Variants in SH3GL3 observed in about 807,000 individuals in gnomAD.
The protein encoded by SH3GL3 is SH3 domain containing GRB2 like 3, endophilin A3.
SH3GL3 carries 33 observed loss-of-function variants against 47.7 expected under a neutral mutation model. The observed-to-expected ratio is 0.69, with a 90% confidence interval of 0.52 to 0.92. The LOEUF (loss-of-function observed/expected upper bound fraction) is 0.92. SH3GL3 is among the 40% of genes least tolerant of loss of function. The pLI is 0.00. For synonymous variants in SH3GL3, 155 were observed against 148.8 expected (o/e 1.04, Z -0.30); for missense variants, 363 against 417.8 (o/e 0.87, Z 1.14).
rs534766181 is a variant in SH3GL3, at chr15:83,483,287, C to T, written c.45+35709C>T. Reference sequence around the variant, plus strand: ...TGGAGGGCCTTGCTCTAGACCAGTGCGGCCCAGTGCAAACTTTCTGTGCTG... The same window carrying T: ...TGGAGGGCCTTGCTCTAGACCAGTGTGGCCCAGTGCAAACTTTCTGTGCTG... On this transcript the variant is annotated intron_variant, in intron 1 of 8. Transcript: ENST00000427482. Among the ~76,000 whole-genome samples, 182 of 152,254 alleles carry T rather than the reference C, an allele frequency of 1.2e-3. No individual in the cohort carries two copies. The Middle Eastern group carries it at 0.017, about 14-fold the overall frequency.
intron 4 of SH3GL3, among the ~76,000 whole-genome samples, chr15:83,570,601 C>T (rs1421832889): frequency 6.6e-6 from 1 of 152,046 alleles, no homozygotes; most frequent in East Asian, 1.9e-4. Context: ...TAAGTATTCC[C>T]AAAGAATTTG....
intron 1 of SH3GL3, among the ~76,000 whole-genome samples, chr15:83,530,893 T>C (rs2043639513): frequency 6.6e-6 from 1 of 152,220 alleles, no homozygotes; most frequent in Non-Finnish European, 1.5e-5. Flanking sequence ...GGAGATCACA[T>C]GGTTAGAGAC....
intron 1 of SH3GL3, among the ~76,000 whole-genome samples, chr15:83,528,370 T>C (rs1476856322): frequency 6.6e-6 from 1 of 152,202 alleles, no homozygotes; most frequent in African/African-American, 2.4e-5. Flanking sequence ...TTTCAGCTGT[T>C]ATTTTGTTGA....
chr15:83,464,341 C>T (rs1232035877), intron 1 of SH3GL3, among the ~76,000 whole-genome samples: 1 of 152,128 alleles, frequency 6.6e-6, no homozygotes, highest in Non-Finnish European at 1.5e-5. Context: ...CTGGAATACC[C>T]CAGGCCCTGG....
At chr15:83,489,527 G>A (rs555933260) in intron 1 of SH3GL3, among the ~76,000 whole-genome samples, 5 of 152,164 alleles carry the variant, frequency 3.3e-5, no homozygotes, top group Non-Finnish European at 7.3e-5. Flanking sequence ...CAGCCCAAGG[G>A]CAGGTTTATG....
chr15:83,463,593 C>T (rs1341980706), intron 1 of SH3GL3, among the ~76,000 whole-genome samples: 1 of 152,008 alleles, frequency 6.6e-6, no homozygotes, highest in African/African-American at 2.4e-5. Context: ...AGATAATTTT[C>T]TCTGATGTCT....
chr15:83,582,279 AC>A (rs1345705170), intron 6 of SH3GL3, among the ~76,000 whole-genome samples: 3 of 152,164 alleles, frequency 2.0e-5, no homozygotes, highest in Non-Finnish European at 2.9e-5. Context: ...GAGTCCAGGC[AC>A]CTGCAGTACT....
Position 83,576,921 on chromosome 15 carries a change from A to ATTTTTGTTTTTTT in SH3GL3, c.624+185_624+186insGTTTTTTTTTTTT, listed in dbSNP as rs2059697892. Among the ~76,000 whole-genome samples the ATTTTTGTTTTTTT allele has an allele frequency of 1.5e-4, 13 of 86,554 alleles. 1 individual carries two copies. The South Asian group carries it at 4.2e-3, about 28-fold the overall frequency. The allele number at this position is 86,554 out of a possible 152,430, so 56.8% of individuals were successfully genotyped here. On this transcript the variant is annotated intron_variant, in intron 6 of 8. Coordinates refer to ENST00000427482, the MANE Select transcript of SH3GL3 (RefSeq NM_003027.5). ...TGATGAGCTTAAAAAAAAAATCATAATTTTTTTTTTTTTTGAGACGCTGTC... is the reference window on the plus strand; with the variant it reads ...TGATGAGCTTAAAAAAAAAATCATAATTTTTGTTTTTTTTTTTTTTTTTTTTTGAGACGCTGTC...
the SH3GL3 span, among the ~76,000 whole-genome samples, chr15:83,625,730 C>T: frequency 3.3e-5 from 5 of 151,946 alleles, no homozygotes; most frequent in African/African-American, 9.7e-5. Context: ...TTTAGGTATA[C>T]GTAATGACTA....
chr15:83,539,759 T>TG (rs895235463), intron 1 of SH3GL3, among the ~76,000 whole-genome samples: 12 of 152,198 alleles, frequency 7.9e-5, no homozygotes, highest in Non-Finnish European at 1.5e-4. Context: ...GTTAGTATTT[T>TG]GGGGTCTGGT....
the SH3GL3 span, among the ~76,000 whole-genome samples, chr15:83,628,362 A>G: frequency 6.6e-6 from 1 of 152,264 alleles, no homozygotes; most frequent in Non-Finnish European, 1.5e-5. Context: ...AAAGGACTAT[A>G]TATAAGACAT....
At chr15:83,572,437 G>T in intron 4 of SH3GL3, 128 bp from the exon 5 acceptor site, 1 of 694,532 alleles carries the variant, frequency 1.4e-6, no homozygotes, top group East Asian at 2.7e-5. Flanking sequence ...CCAGGATTCA[G>T]AGGTCCCGGA....
At chr15:83,577,870 G>A (rs1161172903) in intron 6 of SH3GL3, among the ~76,000 whole-genome samples, 1 of 152,256 alleles carries the variant, frequency 6.6e-6, no homozygotes, top group African/African-American at 2.4e-5. Flanking sequence ...AGACTGAAAA[G>A]TACTTGGCAA....
At chr15:83,536,641 T>A (rs1177196009) in intron 1 of SH3GL3, among the ~76,000 whole-genome samples, 1 of 152,012 alleles carries the variant, frequency 6.6e-6, no homozygotes, top group African/African-American at 2.4e-5. Context: ...GACTTTGTGA[T>A]CCACCCAAAG....
chr15:83,613,990 CTA>C (rs1412757794), intron 8 of SH3GL3, among the ~76,000 whole-genome samples: 4 of 152,162 alleles, frequency 2.6e-5, no homozygotes, highest in Non-Finnish European at 5.9e-5. Context: ...CTGTTAAAAA[CTA>C]GTCTAGTAGT....
At chr15:83,487,571 T>G (rs1240338344) in intron 1 of SH3GL3, among the ~76,000 whole-genome samples, 3 of 152,212 alleles carry the variant, frequency 2.0e-5, no homozygotes, top group Admixed American at 2.0e-4. Context: ...AGGAACGGTT[T>G]CTGTCCTCTT....
chr15:83,573,065 G>C (rs2059581624), intron 5 of SH3GL3, among the ~76,000 whole-genome samples: 1 of 152,144 alleles, frequency 6.6e-6, no homozygotes, highest in African/African-American at 2.4e-5. Flanking sequence ...TGCCCTGGTG[G>C]TCATTATTTT....
intron 8 of SH3GL3, among the ~76,000 whole-genome samples, chr15:83,614,433 A>G (rs568490207): frequency 6.6e-6 from 1 of 152,308 alleles, no homozygotes; most frequent in South Asian, 2.1e-4. Flanking sequence ...GACCCAGTAC[A>G]GGAGCTGCCT....
In SH3GL3 at chr15:83,447,795, C is replaced by G. The variant is rs930698431; in HGVS notation, c.45+217C>G. Among the ~76,000 whole-genome samples the G allele has an allele frequency of 1.3e-5, 2 of 152,166 alleles. No homozygotes were observed. The highest frequency in any genetic ancestry group is 1.5e-5 in the Non-Finnish European group (1 of 68,014). On this transcript the variant is annotated intron_variant, in intron 1 of 8. Coordinates refer to ENST00000427482, the MANE Select transcript of SH3GL3 (RefSeq NM_003027.5). The surrounding 1 kb of genome is among the most constrained non-coding windows in gnomAD (Gnocchi z 5.1). The stretch of plus-strand genomic sequence containing the variant: ...CCCATTCCCTGGCCCCCGGCTCTGC[C>G]CTGGGCCGTTGTAAATCGGAGAGAT...
Sources: allele counts gnomAD v4.1 joint callset (sites outside exome capture counted in the v4.1 genomes callset), GRCh38; gene constraint gnomAD v4.1.1; non-coding constraint Gnocchi (gnomAD v3.1); transcripts MANE v1.5; gene names NCBI Gene and HGNC (gene_info 2026-07-23, HGNC 2026-07-21).